The following ADAMTSL1 variants were observed in gnomAD, a reference collection of about 807,000 sequenced individuals.
ADAMTSL1 encodes the protein ADAMTS-like protein 1.
ADAMTSL1 carries 126 observed loss-of-function variants against 201.8 expected under a neutral mutation model. The ratio of observed to expected loss-of-function variants is 0.62; its 90% CI spans 0.54 to 0.72. ADAMTSL1 has a LOEUF of 0.72. Ranked by LOEUF, ADAMTSL1 falls within the 30% of genes least tolerant of loss-of-function variation. ADAMTSL1 has a pLI of 0.00. For synonymous variants in ADAMTSL1, 1,121 were observed against 903.4 expected (o/e 1.24, Z -4.32); for missense variants, 2,679 against 2,277.8 (o/e 1.18, Z -3.59).
In ADAMTSL1 at chr9:18,279,534, T is replaced by C. The variant is rs375818296; in HGVS notation, c.207+115553T>C. 2.6e-5 allele frequency among the ~76,000 whole-genome samples: 4 copies of C among 151,956 alleles called. No individual in the cohort carries two copies. In the East Asian group the frequency reaches 7.8e-4, roughly 30 times the overall value. ...TTTGAAAAAGCAGGCACTTCTTCTATTCTTTTCAGACTGGATTTGTCAGGG... is the reference window on the plus strand; with the variant it reads ...TTTGAAAAAGCAGGCACTTCTTCTACTCTTTTCAGACTGGATTTGTCAGGG... On this transcript the variant is annotated intron_variant, in intron 2 of 29. Transcript: ENST00000680146.
intron 3 of ADAMTSL1, among the ~76,000 whole-genome samples, chr9:18,570,281 C>T (rs7465987): frequency 0.27 from 41,385 of 151,256 alleles, 6,191 homozygotes; most frequent in Admixed American, 0.36. Context: ...ATAATGGTTT[C>T]ATGGACCAAT....
intron 23 of ADAMTSL1, among the ~76,000 whole-genome samples, chr9:18,878,732 G>A (rs551995006): frequency 4.6e-5 from 7 of 152,322 alleles, no homozygotes; most frequent in Admixed American, 4.6e-4. Flanking sequence ...AGTTCTTGGA[G>A]CAGAAAATCA....
chr9:18,441,166 G>A (rs1030703981), intron 2 of ADAMTSL1, among the ~76,000 whole-genome samples: 4 of 148,958 alleles, frequency 2.7e-5, no homozygotes, highest in Non-Finnish European at 4.5e-5. Context: ...GGGGCTGGGA[G>A]TGGGGAGAGG....
chr9:18,633,809 T>G (rs1461983074), intron 5 of ADAMTSL1, among the ~76,000 whole-genome samples: 7 of 152,140 alleles, frequency 4.6e-5, no homozygotes, highest in Admixed American at 4.6e-4. Flanking sequence ...GAGAACTCGA[T>G]AATGTAACCT....
At chr9:18,234,248 G>A (rs1041076743) in intron 2 of ADAMTSL1, among the ~76,000 whole-genome samples, 13 of 152,194 alleles carry the variant, frequency 8.5e-5, no homozygotes, top group African/African-American at 3.1e-4. Context: ...AGCAGAACGT[G>A]TTGGCAGAGA....
chr9:18,609,019 T>C (rs960761972), intron 4 of ADAMTSL1, among the ~76,000 whole-genome samples: 8 of 152,156 alleles, frequency 5.3e-5, no homozygotes, highest in Non-Finnish European at 1.2e-4. Context: ...TATTGATACA[T>C]TCATATGGGC....
At chr9:18,109,635 A>G (rs997807056) in intron 1 of ADAMTSL1, among the ~76,000 whole-genome samples, 9 of 152,166 alleles carry the variant, frequency 5.9e-5, no homozygotes, top group Non-Finnish European at 1.3e-4. Flanking sequence ...TGGGACAAAC[A>G]GATTCATGGT....
At chr9:18,718,400 T>C in intron 14 of ADAMTSL1, 1 of 692,914 alleles carries the variant, frequency 1.4e-6, no homozygotes, top group Non-Finnish European at 2.7e-6. Flanking sequence ...CTACTTCAAC[T>C]TGCTTTCTAT....
intron 2 of ADAMTSL1, among the ~76,000 whole-genome samples, chr9:18,258,900 C>T (rs952305457): frequency 2.6e-5 from 4 of 152,196 alleles, no homozygotes; most frequent in African/African-American, 7.2e-5. Flanking sequence ...ATTGCTTCTG[C>T]GTAGGTCAGC....
chr9:18,288,899 G>A (rs890098152), intron 2 of ADAMTSL1, among the ~76,000 whole-genome samples: 7 of 152,174 alleles, frequency 4.6e-5, no homozygotes, highest in Admixed American at 1.3e-4. Flanking sequence ...CAGTGTTTAA[G>A]GAACTGAATT....
chr9:18,579,284 G>T (rs1465297704), intron 4 of ADAMTSL1, among the ~76,000 whole-genome samples: 3 of 143,862 alleles, frequency 2.1e-5, no homozygotes, highest in African/African-American at 7.8e-5. Flanking sequence ...TCATAGGTGG[G>T]AATTGAACAA....
intron 25 of ADAMTSL1, chr9:18,890,885 C>T (rs7027026): frequency 0.99 from 264,456 of 268,256 alleles, 130,365 homozygotes; most frequent in East Asian, 1. Context: ...CAGGAACTTT[C>T]TGACTTGATT....
chr9:18,575,681 A>G lies in ADAMTSL1; in HGVS notation c.474+1415A>G, dbSNP rs555648873. On this transcript the variant is annotated intron_variant, in intron 4 of 28. Coordinates refer to ENST00000380548, the MANE Select transcript of ADAMTSL1 (RefSeq NM_001040272.6). ...AAGAATAATAACTCCCTATGTATGT[A>G]TACTGTTTGAGTAAAAGCAAGGAAG... Among the ~76,000 whole-genome samples the G allele has an allele frequency of 2.5e-4, 38 of 152,294 alleles. No individual in the cohort carries two copies. The East Asian group carries it at 6.9e-3, about 28-fold the overall frequency.
At chr9:18,546,021 G>A (rs536830515) in intron 3 of ADAMTSL1, among the ~76,000 whole-genome samples, 62 of 152,248 alleles carry the variant, frequency 4.1e-4, no homozygotes, top group African/African-American at 1.4e-3. Context: ...GGTACTATAA[G>A]CAAGGGCCAT....
intron 15 of ADAMTSL1, among the ~76,000 whole-genome samples, chr9:18,733,767 C>G (rs976309070): frequency 1.3e-5 from 2 of 151,730 alleles, no homozygotes; most frequent in Non-Finnish European, 2.9e-5. Context: ...TGCCTGTTCC[C>G]TCTCTCCCCT....
intron 2 of ADAMTSL1, among the ~76,000 whole-genome samples, chr9:18,244,653 A>G (rs954348338): frequency 6.6e-6 from 1 of 151,838 alleles, no homozygotes; most frequent in African/African-American, 2.4e-5. Context: ...TCTCCTACCT[A>G]CTGGGCATTT....
chr9:18,104,252 C>T (rs1014679909), intron 1 of ADAMTSL1, among the ~76,000 whole-genome samples: 1 of 152,098 alleles, frequency 6.6e-6, no homozygotes, highest in African/African-American at 2.4e-5. Flanking sequence ...CGTGATATAC[C>T]ACTAGCAGTG....
chr9:18,067,266 G>A (rs2131721184), intron 1 of ADAMTSL1, among the ~76,000 whole-genome samples: 1 of 152,018 alleles, frequency 6.6e-6, no homozygotes, highest in South Asian at 2.1e-4. Flanking sequence ...CGTTGTTAAG[G>A]TCACAATAGA....
intron 2 of ADAMTSL1, among the ~76,000 whole-genome samples, chr9:18,341,247 C>G (rs1835453526): frequency 6.6e-6 from 1 of 152,146 alleles, no homozygotes; most frequent in Non-Finnish European, 1.5e-5. Flanking sequence ...CTATACTCCT[C>G]TTTCAGGCTC....
Sources: allele counts gnomAD v4.1 joint callset (sites outside exome capture counted in the v4.1 genomes callset), GRCh38; gene constraint gnomAD v4.1.1; transcripts MANE v1.5; gene names NCBI Gene and HGNC (gene_info 2026-07-23, HGNC 2026-07-21).